CHD9: variants seen among roughly 807,000 people sequenced by gnomAD.
CHD9 encodes ATP-dependent chromatin remodeler CHD9.
In CHD9, 77 loss-of-function variants were observed where a neutral mutation model predicts 316.1. The ratio of observed to expected loss-of-function variants is 0.24; its 90% confidence interval spans 0.20 to 0.29. CHD9 has a LOEUF of 0.29. CHD9 is among the 10% of genes least tolerant of loss of function. The probability of loss-of-function intolerance (pLI) is 1.00; values close to 1 mark genes in which losing one functional copy is unlikely to be tolerated. For missense variants in CHD9, 2,763 were observed against 3,438.1 expected (o/e 0.80, Z 4.91); for synonymous variants, 1,129 against 1,158.3 (o/e 0.97, Z 0.51).
At chr16:53,281,704 AGTGGTGGT>A (rs2053434840) in intron 24 of CHD9, among the ~76,000 whole-genome samples, 1 of 152,192 alleles carries the variant, frequency 6.6e-6, no homozygotes, top group African/African-American at 2.4e-5. Flanking sequence ...CTCCAGCCAC[AGTGGTGGT>A]TGTGTTTTGC....
At chr16:53,188,946 C>T (rs895502423) in intron 2 of CHD9, among the ~76,000 whole-genome samples, 3 of 151,678 alleles carry the variant, frequency 2.0e-5, no homozygotes, top group African/African-American at 7.3e-5. Context: ...AATTGGGTTA[C>T]TTATTTTTGT....
At chr16:53,137,029 A>C (rs1278789165) in intron 1 of CHD9, among the ~76,000 whole-genome samples, 2 of 151,006 alleles carry the variant, frequency 1.3e-5, no homozygotes, top group Non-Finnish European at 2.9e-5. Context: ...GCTGGAGTGC[A>C]GTGGTGCAAT....
chr16:53,161,953 C>T (rs1233034700), intron 2 of CHD9, among the ~76,000 whole-genome samples: 1 of 152,074 alleles, frequency 6.6e-6, no homozygotes, highest in Non-Finnish European at 1.5e-5. Context: ...GGGGTTTTGC[C>T]ATGTTGGCCA....
At position 53,245,213 on chromosome 16, in the gene CHD9, A is replaced by G. The variant is rs2049477182; in HGVS notation, c.3055-123A>G. On this transcript the variant is annotated intron_variant, in intron 13 of 38. Transcript: ENST00000447540. This position sits in a 1 kb window ranked among gnomAD's most constrained non-coding sequence, Gnocchi z 4.1. The stretch of plus-strand genomic sequence containing the variant: ...ATATATATACACACACACACACATA[A>G]CATATATATATGTATATATAGTCAG... 1 of 545,844 alleles carries G rather than the reference A, an allele frequency of 1.8e-6. No homozygotes were observed. Among genetic ancestry groups the G allele is most frequent in the Non-Finnish European group, 2.8e-6 (1 of 359,988 alleles). The allele number at this position is 545,844 out of a possible 1,614,324, so 33.8% of individuals were successfully genotyped here.
At chr16:53,231,965 A>C (rs2048214454) in intron 10 of CHD9, among the ~76,000 whole-genome samples, 181 bp downstream of exon 10, 1 of 152,188 alleles carries the variant, frequency 6.6e-6, no homozygotes. Context: ...ACAGGAGCAG[A>C]TTCCTTTTTG....
Position 53,156,628 on chromosome 16 carries a change from A to G in CHD9, c.539A>G (p.Gln180Arg), listed in dbSNP as rs1385330768. 6.2e-7 allele frequency: 1 copy of G among 1,613,996 alleles called. No homozygotes were observed. The highest frequency in any genetic ancestry group is 2.2e-5 in the East Asian group (1 of 44,882). Residue 180 changes from glutamine (Q) to arginine (R), a missense_variant, in exon 2 of 39, where the codon CAA becomes CGA. Coordinates refer to ENST00000447540, the MANE Select transcript of CHD9 (RefSeq NM_001308319.2). Reference protein sequence around the residue: ...QQTQCTSLRSQQNRNNLNPGQ... With the variant: ...QQTQCTSLRSRQNRNNLNPGQ... ...ACACAGTGTACTTCACTACGCTCAC[A>G]ACAAAACAGAAATAATCTCAACCCA...
intron 3 of CHD9, among the ~76,000 whole-genome samples, chr16:53,214,990 G>A (rs1287208109): frequency 1.3e-5 from 2 of 150,184 alleles, no homozygotes; most frequent in African/African-American, 2.5e-5. Context: ...TCCGCTCACT[G>A]CAAGCTCCGC....
At chr16:53,134,785 C>T (rs1331686595) in intron 1 of CHD9, among the ~76,000 whole-genome samples, 1 of 152,192 alleles carries the variant, frequency 6.6e-6, no homozygotes, top group African/African-American at 2.4e-5. Context: ...TCTCTGGACT[C>T]AAAGTCATTC....
intron 11 of CHD9, 115 bp downstream of exon 11, chr16:53,235,421 T>A: frequency 1.4e-6 from 1 of 728,350 alleles, no homozygotes; most frequent in Non-Finnish European, 2.1e-6. Flanking sequence ...CTTCATTATT[T>A]AAAGTGAGGT....
chr16:53,138,098 A>G (rs1490717076), intron 1 of CHD9, among the ~76,000 whole-genome samples: 2 of 152,292 alleles, frequency 1.3e-5, no homozygotes, highest in East Asian at 1.9e-4. Context: ...AGTAATGACC[A>G]AAGTTCCCAG....
At chr16:53,264,773 G>A (rs578004191) in intron 20 of CHD9, among the ~76,000 whole-genome samples, 1 of 152,200 alleles carries the variant, frequency 6.6e-6, no homozygotes, top group South Asian at 2.1e-4. Context: ...TGTAATGTCA[G>A]GAAAAGCTTT....
At chr16:53,127,867 C>T (rs569765104) in intron 1 of CHD9, among the ~76,000 whole-genome samples, 10 of 134,912 alleles carry the variant, frequency 7.4e-5, no homozygotes, top group African/African-American at 2.8e-4. Context: ...GTTGGTGTCC[C>T]GGGAGGTGGA....
intron 3 of CHD9, among the ~76,000 whole-genome samples, chr16:53,214,488 AT>A (rs1317537321): frequency 2.0e-5 from 3 of 152,060 alleles, no homozygotes; most frequent in African/African-American, 7.2e-5. Context: ...TTTATTATGA[AT>A]TTTTTATTAT....
Position 53,249,997 on chromosome 16 carries a change from C to A in CHD9, c.3792C>A (p.Gly1264=). The part of the protein sequence containing the change: ...FLLCTRAGGL[G]INLTAADTCI... ...TGTGTACCCGAGCTGGTGGGTTGGG[C>A]ATCAACTTAACTGCAGCTGATACAT... Residue 1264 remains glycine, a synonymous_variant, in exon 17 of 39, where the codon GGC becomes GGA. Transcript: ENST00000447540. 6.2e-7 allele frequency: 1 copy of A among 1,613,642 alleles called. No homozygotes were observed. Among genetic ancestry groups the A allele is most frequent in the Non-Finnish European group, 8.5e-7 (1 of 1,179,684 alleles).
At position 53,314,901 on chromosome 16, in the gene CHD9, C is replaced by A; in HGVS notation, c.7441C>A (p.Pro2481Thr). 1.9e-6 allele frequency: 3 copies of A among 1,613,596 alleles called. No homozygotes were observed. The highest frequency in any genetic ancestry group is 2.2e-5 in the South Asian group (2 of 91,068). Residue 2481 changes from proline (P) to threonine (T), a missense_variant, in exon 36 of 39, where the codon CCT becomes ACT. Pro to Thr is a conservative substitution (Grantham distance 38). Around this residue, in one of 15 missense-constraint regions of CHD9, gnomAD observed 663 missense variants for 751.2 expected, o/e 0.88. Coordinates refer to ENST00000447540, the MANE Select transcript of CHD9 (RefSeq NM_001308319.2). The part of the protein sequence containing the change: ...ALSYTQPQGI[P>T]DTESPVPVIN... Reference sequence around the variant, plus strand: ...ATCCTATACTCAACCTCAAGGAATTCCTGATACAGAAAGTCCAGTTCCAGT... The same window carrying A: ...ATCCTATACTCAACCTCAAGGAATTACTGATACAGAAAGTCCAGTTCCAGT...
chr16:53,301,315 T>C (rs2055392692), intron 30 of CHD9, among the ~76,000 whole-genome samples: 1 of 152,216 alleles, frequency 6.6e-6, no homozygotes, highest in African/African-American at 2.4e-5. Context: ...AGGTTCTACT[T>C]AACTCAGAGC....
chr16:53,067,900 G>GA (rs199775295), intron 1 of CHD9, among the ~76,000 whole-genome samples: 2,292 of 151,298 alleles, frequency 0.015, 50 homozygotes, highest in African/African-American at 0.05. Context: ...AACTCCACAG[G>GA]AAAAAAAAAT....
intron 19 of CHD9, among the ~76,000 whole-genome samples, chr16:53,257,108 G>C (rs1298173016): frequency 6.6e-6 from 1 of 152,166 alleles, no homozygotes; most frequent in East Asian, 1.9e-4. Flanking sequence ...TGAGTCTTGA[G>C]GGAATTGCGA....
At chr16:53,244,931 G>A (rs1360202935) in intron 13 of CHD9, among the ~76,000 whole-genome samples, 1 of 151,988 alleles carries the variant, frequency 6.6e-6, no homozygotes, top group Non-Finnish European at 1.5e-5. Flanking sequence ...GGGTAACATA[G>A]TAAGATCTCA....
Sources: allele counts gnomAD v4.1 joint callset (sites outside exome capture counted in the v4.1 genomes callset), GRCh38; gene constraint gnomAD v4.1.1; regional missense constraint gnomAD v4.1.1; non-coding constraint Gnocchi (gnomAD v3.1); transcripts MANE v1.5; gene names NCBI Gene and HGNC (gene_info 2026-07-23, HGNC 2026-07-21).